AFF2: variants seen among roughly 807,000 people sequenced by gnomAD.
AFF2 encodes the protein AF4/FMR2 family member 2.
Under a neutral mutation model 76.9 loss-of-function variants are expected in AFF2, and 14 were observed. The ratio of observed to expected loss-of-function variants is 0.18; its 90% CI spans 0.12 to 0.28. The LOEUF is 0.28. Ranked by LOEUF, AFF2 falls within the 10% of genes least tolerant of loss-of-function variation. The pLI, the probability that AFF2 is intolerant of heterozygous loss-of-function variation, is 1.00. For missense variants in AFF2, 868 were observed against 1,001.1 expected (o/e 0.87, Z 1.79); for synonymous variants, 398 against 366.7 (o/e 1.09, Z -0.98).
intron 18 of AFF2, among the ~76,000 whole-genome samples, chrX:148,980,240 T>C (rs1020823388): frequency 9.0e-6 from 1 of 110,982 alleles, no homozygotes; most frequent in Non-Finnish European, 1.9e-5. Flanking sequence ...GCCATGAGGG[T>C]TTGCATGTAA....
intron 4 of AFF2, among the ~76,000 whole-genome samples, chrX:148,831,296 G>C (rs1557273302): frequency 8.9e-6 from 1 of 112,283 alleles, no homozygotes; most frequent in African/African-American, 3.2e-5. Flanking sequence ...AGAGATTAAA[G>C]TAAAGACAGG....
chrX:148,532,397 T>C (rs782355992), intron 1 of AFF2, among the ~76,000 whole-genome samples: 1 of 112,185 alleles, frequency 8.9e-6, no homozygotes. Flanking sequence ...CTGATGGTAA[T>C]TGGTTGTAGA....
chrX:148,669,378 C>A (rs1458469538), intron 3 of AFF2, among the ~76,000 whole-genome samples: 2 of 111,846 alleles, frequency 1.8e-5, no homozygotes, highest in Admixed American at 9.5e-5. Context: ...AGCAGCACCC[C>A]ACTCCTGGTA....
intron 20 of AFF2, among the ~76,000 whole-genome samples, chrX:148,990,657 C>G (rs1176454115): frequency 2.7e-5 from 3 of 111,665 alleles, no homozygotes; most frequent in African/African-American, 6.5e-5. Context: ...GTGACAGATA[C>G]TTGCAGGCCA....
chrX:148,879,809 A>G (rs782802348), intron 7 of AFF2, among the ~76,000 whole-genome samples: 1 of 111,332 alleles, frequency 9.0e-6, no homozygotes, highest in Non-Finnish European at 1.9e-5. Context: ...AATCATAAGC[A>G]GTACAGAGAC....
At chrX:148,864,213 A>G (rs1557276663) in intron 7 of AFF2, among the ~76,000 whole-genome samples, 1 of 111,966 alleles carries the variant, frequency 8.9e-6, no homozygotes, top group Non-Finnish European at 1.9e-5. Context: ...TTGGCTTCAA[A>G]TGGTTAACTG....
intron 2 of AFF2, among the ~76,000 whole-genome samples, chrX:148,660,101 C>T (rs1420145185): frequency 8.9e-6 from 1 of 112,010 alleles, no homozygotes; most frequent in Non-Finnish European, 1.9e-5. Context: ...GACAGAGCTC[C>T]CTTAGCATAT....
rs1226463690 is a variant in AFF2 at position 148,999,551 on chromosome X, C to G, written c.*8219C>G. 9.0e-6 allele frequency: 1 copy of G among 110,962 alleles called. No individual in the cohort carries two copies. Among genetic ancestry groups the G allele is most frequent in the Non-Finnish European group, 1.9e-5 (1 of 53,050 alleles). 9.1% of individuals were successfully genotyped at this position (110,962 alleles called of 1,213,427 possible). A position where few individuals can be genotyped will look rare whatever the true frequency, so the allele number is the denominator to read the frequency against. ...ATGTCGCTGGACCATTGTGGCAAGC[C>G]ATAACTGCACAAAGAGTACACATCG... On this transcript the variant is annotated 3_prime_UTR_variant, in exon 21 of 21. Transcript: ENST00000370460.
At chrX:148,848,214 C>T (rs186852529) in intron 7 of AFF2, among the ~76,000 whole-genome samples, 3 of 110,693 alleles carry the variant, frequency 2.7e-5, no homozygotes, top group Admixed American at 1.9e-4. Flanking sequence ...GCTCTGTTTT[C>T]GATGACACAA....
chrX:148,578,125 G>C (rs782430892), intron 1 of AFF2, among the ~76,000 whole-genome samples: 9 of 111,995 alleles, frequency 8.0e-5, no homozygotes, highest in Middle Eastern at 4.2e-3. Context: ...ATTCCAATTG[G>C]AGGTGTCTTT....
At chrX:148,743,546 T>A (rs1343141075) in intron 3 of AFF2, among the ~76,000 whole-genome samples, 1 of 111,507 alleles carries the variant, frequency 9.0e-6, no homozygotes, top group Non-Finnish European at 1.9e-5. Context: ...TGGGTGGGTA[T>A]GTTTGTGAGT....
At chrX:148,820,363 C>T (rs2070313936) in intron 4 of AFF2, among the ~76,000 whole-genome samples, 1 of 111,234 alleles carries the variant, frequency 9.0e-6, no homozygotes, top group Admixed American at 9.6e-5. Context: ...AATCCAAGCT[C>T]CTAGAAAAAC....
At position 148,997,763 on chromosome X, in the gene AFF2, T is replaced by C. The variant is rs1384911487; in HGVS notation, c.*6431T>C. Reference sequence around the variant, plus strand: ...TCACCACACCAGACAGTGGACCAGTTTTCACAGCTACAAAGAGCTAGAAAT... The same window carrying C: ...TCACCACACCAGACAGTGGACCAGTCTTCACAGCTACAAAGAGCTAGAAAT... On this transcript the variant is annotated 3_prime_UTR_variant, in exon 21 of 21. Transcript: ENST00000370460. 1.8e-5 allele frequency: 2 copies of C among 112,132 alleles called. No homozygotes were observed. Among genetic ancestry groups the C allele is most frequent in the East Asian group, 5.6e-4 (2 of 3,579 alleles). 9.2% of individuals were successfully genotyped at this position (112,132 alleles called of 1,213,427 possible). A position where few individuals can be genotyped will look rare whatever the true frequency, so the allele number is the denominator to read the frequency against.
At chrX:148,557,826 G>A (rs2053068477) in intron 1 of AFF2, among the ~76,000 whole-genome samples, 1 of 112,184 alleles carries the variant, frequency 8.9e-6, no homozygotes, top group Non-Finnish European at 1.9e-5. Context: ...CCATTAGTCA[G>A]GCAGTGTGTT....
At chrX:148,765,181 C>T (rs1000525477) in intron 3 of AFF2, among the ~76,000 whole-genome samples, 2 of 111,890 alleles carry the variant, frequency 1.8e-5, no homozygotes, top group Non-Finnish European at 1.9e-5. Context: ...CCACCATGCC[C>T]GGCCAATCTT....
chrX:148,755,449 G>A (rs1452084804), intron 3 of AFF2, among the ~76,000 whole-genome samples: 8 of 111,442 alleles, frequency 7.2e-5, no homozygotes, highest in East Asian at 2.8e-4. Flanking sequence ...AAAGTGATGC[G>A]GGGGCGACAG....
intron 1 of AFF2, among the ~76,000 whole-genome samples, chrX:148,566,988 G>A (rs1047802526): frequency 2.7e-5 from 3 of 111,643 alleles, no homozygotes; most frequent in African/African-American, 9.8e-5. Context: ...ATGCCTGTCT[G>A]CCATGCTGGA....
chrX:148,811,435 G>C (rs182219934), intron 4 of AFF2, among the ~76,000 whole-genome samples: 1 of 111,521 alleles, frequency 9.0e-6, no homozygotes, highest in Non-Finnish European at 1.9e-5. Flanking sequence ...GCTGTTATGA[G>C]CACCACAAAA....
chrX:148,740,574 T>A (rs1557265539), intron 3 of AFF2, among the ~76,000 whole-genome samples: 1 of 112,264 alleles, frequency 8.9e-6, no homozygotes, highest in African/African-American at 3.2e-5. Context: ...TTTTTTGGAT[T>A]TCCTTTCATT....
Sources: allele counts gnomAD v4.1 joint callset (sites outside exome capture counted in the v4.1 genomes callset), GRCh38; gene constraint gnomAD v4.1.1; transcripts MANE v1.5; gene names NCBI Gene and HGNC (gene_info 2026-07-23, HGNC 2026-07-21).